The following TOP2B variants were observed in gnomAD, a reference collection of about 807,000 sequenced individuals.
The protein encoded by TOP2B is DNA topoisomerase 2-beta.
TOP2B carries 51 observed loss-of-function variants against 193.5 expected under a neutral mutation model. The observed-to-expected ratio is 0.26, with a 90% CI of 0.21 to 0.33. The LOEUF (loss-of-function observed/expected upper bound fraction) is 0.33, where lower values mean the gene tolerates loss of function less well. TOP2B is among the 10% of genes least tolerant of loss of function. The probability of loss-of-function intolerance (pLI) is 1.00; values close to 1 mark genes in which losing one functional copy is unlikely to be tolerated. For synonymous variants in TOP2B, 634 were observed against 635.7 expected (o/e 1.00, Z 0.04); for missense variants, 1,378 against 1,909.3 (o/e 0.72, Z 5.19).
chr3:25,642,436 T>C, intron 3 of TOP2B, 51 bp from the exon 4 acceptor site: 6 of 1,185,844 alleles, frequency 5.1e-6, no homozygotes, highest in Non-Finnish European at 7.2e-6. Flanking sequence ...TATAAATAAA[T>C]ACATGGACAC....
At chr3:25,636,195 CATAAT>C (rs1703100763) in intron 6 of TOP2B, 47 bp from the exon 7 acceptor site, 1 of 1,211,244 alleles carries the variant, frequency 8.3e-7, no homozygotes, top group East Asian at 2.6e-5. Flanking sequence ...TTCCATATCT[CATAAT>C]ATATAAAGAC....
rs2125362012 is a variant in TOP2B, at chr3:25,618,265, C to T, written c.3351+153G>A. On this transcript the variant is annotated intron_variant, in intron 25 of 35. Coordinates refer to ENST00000264331, the MANE Select transcript of TOP2B (RefSeq NM_001330700.2). ...TGTACTATAAATTCCTGTACTTTAT[C>T]TGTTCTGTGGATAAACAGAAGACTT... 3 of 610,576 alleles carry T rather than the reference C, an allele frequency of 4.9e-6. No homozygotes were observed. In the East Asian group the frequency reaches 8.2e-5, roughly 17 times the overall value. 37.8% of individuals were successfully genotyped at this position (610,576 alleles called of 1,614,324 possible).
chr3:25,615,680 C>T (rs1029705773), intron 25 of TOP2B, 94 bp from the exon 26 acceptor site: 18 of 1,085,694 alleles, frequency 1.7e-5, no homozygotes, highest in Non-Finnish European at 2.2e-5. Flanking sequence ...TCTACAAGTG[C>T]TACACTATAA....
chr3:25,639,758 C>G (rs1703206772), intron 4 of TOP2B, among the ~76,000 whole-genome samples: 1 of 152,224 alleles, frequency 6.6e-6, no homozygotes, highest in Non-Finnish European at 1.5e-5. Flanking sequence ...CATGGCATCC[C>G]TTGTATTTAA....
intron 1 of TOP2B, among the ~76,000 whole-genome samples, chr3:25,653,003 T>G (rs1166058264): frequency 6.6e-6 from 1 of 152,084 alleles, no homozygotes; most frequent in Non-Finnish European, 1.5e-5. Context: ...ATAAAAGACT[T>G]ACATGACCAC....
At chr3:25,630,505 T>C (rs776528505) in intron 11 of TOP2B, 36 bp from the exon 12 acceptor site, 1 of 1,471,546 alleles carries the variant, frequency 6.8e-7, no homozygotes, top group African/African-American at 1.4e-5. Flanking sequence ...AGTAAAAATT[T>C]CTCATACTTT....
rs1702261309 is a variant in TOP2B, at chr3:25,607,335, C to T, written c.4134G>A (p.Glu1378=). The T allele has an allele frequency of 3.2e-6, 5 of 1,551,778 alleles. No homozygotes were observed. In the African/African-American group the frequency reaches 5.5e-5, roughly 17 times the overall value. The part of the protein sequence containing the change: ...PKYTFDFSEE[E]DDDADDDDDD... The stretch of plus-strand genomic sequence containing the variant: ...CATCATCATCATCAGCATCATCATC[C>T]TCTTCTTCTGAGAAATCAAATGTGT... Residue 1378 remains glutamate, a synonymous_variant, in exon 31 of 36, where the codon GAG becomes GAA. Transcript: ENST00000264331.
chr3:25,601,021 CTA>C (rs1702077837), intron 34 of TOP2B, 77 bp downstream of exon 34: 1 of 1,486,132 alleles, frequency 6.7e-7, no homozygotes, highest in African/African-American at 1.4e-5. Flanking sequence ...CCTAGCCTCT[CTA>C]AATTCAATGA....
At chr3:25,627,705 T>C (rs888053242) in intron 15 of TOP2B, among the ~76,000 whole-genome samples, 1 of 151,892 alleles carries the variant, frequency 6.6e-6, no homozygotes, top group Non-Finnish European at 1.5e-5. Context: ...AAAAGAGAAA[T>C]GCTATATTAA....
Position 25,612,673 on chromosome 3 carries a change from C to T in TOP2B, c.3628G>A (p.Gly1210Arg), listed in dbSNP as rs775581953. 2 of 1,613,534 alleles carry T rather than the reference C, an allele frequency of 1.2e-6. No individual in the cohort carries two copies. Among genetic ancestry groups the T allele is most frequent in the Non-Finnish European group, 1.7e-6 (2 of 1,179,654 alleles). ...ESQEREDVLAGMSGKAIKGKV... is the reference protein window; with the variant it reads ...ESQEREDVLARMSGKAIKGKV... ...CCTTTAATTGCTTTTCCAGACATTC[C>T]AGCCAGAACATCTTCTCGTTCTTGA... Residue 1210 changes from glycine to arginine, a missense_variant, in exon 28 of 36, where the codon GGA (glycine) becomes AGA (arginine). This residue lies in a region of TOP2B where 556 missense variants were observed against 584.2 expected (regional missense o/e 0.95). Transcript: ENST00000264331.
chr3:25,628,171 T>TAAA (rs11444499), intron 15 of TOP2B, among the ~76,000 whole-genome samples: 3 of 130,172 alleles, frequency 2.3e-5, no homozygotes, highest in East Asian at 2.2e-4. Flanking sequence ...TAACATTATT[T>TAAA]AAAAAAAAAA....
At chr3:25,634,119 T>A in intron 7 of TOP2B, 105 bp from the exon 8 acceptor site, 1 of 841,662 alleles carries the variant, frequency 1.2e-6, no homozygotes, top group South Asian at 1.9e-5. Context: ...CTTACAACAG[T>A]TCTAAGTGCA....
At chr3:25,649,182 T>C (rs754211687) in intron 1 of TOP2B, among the ~76,000 whole-genome samples, 4 of 151,982 alleles carry the variant, frequency 2.6e-5, no homozygotes, top group Non-Finnish European at 5.9e-5. Flanking sequence ...ACTTTCAAAA[T>C]TGCCAAGGGA....
intron 7 of TOP2B, 41 bp downstream of exon 7, chr3:25,635,895 T>C (rs752847240): frequency 3.0e-5 from 46 of 1,546,764 alleles, no homozygotes; most frequent in South Asian, 1.2e-4. Context: ...ATTCTCTCTA[T>C]AAAATAACAT....
At chr3:25,634,680 G>T (rs894975596) in intron 7 of TOP2B, among the ~76,000 whole-genome samples, 8 of 149,898 alleles carry the variant, frequency 5.3e-5, no homozygotes, top group Non-Finnish European at 1.2e-4. Flanking sequence ...GGGAAGACCA[G>T]TGAGAATCTA....
chr3:25,627,114 C>G (rs1173063974), intron 16 of TOP2B, 73 bp downstream of exon 16: 3 of 1,076,092 alleles, frequency 2.8e-6, no homozygotes, highest in Non-Finnish European at 4.1e-6. Context: ...TCATAGGGAA[C>G]CAGGACTGGG....
intron 1 of TOP2B, among the ~76,000 whole-genome samples, chr3:25,652,435 G>A (rs1703619426): frequency 6.6e-6 from 1 of 152,104 alleles, no homozygotes; most frequent in Admixed American, 6.5e-5. Context: ...GACAAAACAA[G>A]TCTTAACAAA....
intron 25 of TOP2B, 56 bp downstream of exon 25, chr3:25,618,362 G>T: frequency 1.5e-6 from 2 of 1,340,584 alleles, no homozygotes; most frequent in African/African-American, 1.4e-5. Flanking sequence ...ATTTTTGTTT[G>T]TTTTGGAAGT....
intron 27 of TOP2B, 72 bp downstream of exon 27, chr3:25,615,133 C>T: frequency 2.2e-6 from 3 of 1,344,410 alleles, no homozygotes; most frequent in East Asian, 4.7e-5. Flanking sequence ...ACTTTAAGAT[C>T]ACTTAAAAGA....
Sources: allele counts gnomAD v4.1 joint callset (sites outside exome capture counted in the v4.1 genomes callset), GRCh38; gene constraint gnomAD v4.1.1; regional missense constraint gnomAD v4.1.1; transcripts MANE v1.5; gene names NCBI Gene and HGNC (gene_info 2026-07-23, HGNC 2026-07-21).